NFYC: variants seen among roughly 807,000 people sequenced by gnomAD.
NFYC encodes nuclear transcription factor Y subunit gamma.
In NFYC, 25 loss-of-function variants were observed where a neutral mutation model predicts 53.1. That is an observed-to-expected ratio of 0.47 (90% CI 0.34 to 0.66). The LOEUF (loss-of-function observed/expected upper bound fraction) is 0.66. NFYC is among the 30% of genes least tolerant of loss of function. The probability of loss-of-function intolerance (pLI) is 0.01; values close to 1 mark genes in which losing one functional copy is unlikely to be tolerated. For missense variants in NFYC, 260 were observed against 422.7 expected, an observed-to-expected ratio of 0.62 and a Z score of 3.38; for synonymous variants, 145 against 152.6, an observed-to-expected ratio of 0.95 and a Z score of 0.37.
At chr1:40,758,335 C>G (rs1286943652) in intron 6 of NFYC, 41 bp downstream of exon 6, 1 of 1,558,202 alleles carries the variant, frequency 6.4e-7, no homozygotes, top group African/African-American at 1.4e-5. Flanking sequence ...CAAGACAGTG[C>G]CCCTTAGGTT....
intron 8 of NFYC, 81 bp from the exon 9 acceptor site, chr1:40,769,275 T>C: frequency 7.0e-7 from 1 of 1,419,850 alleles, no homozygotes; most frequent in Non-Finnish European, 1.0e-6. Context: ...CATTTGATCT[T>C]TATGACCCTC....
chr1:40,706,650 G>T (rs1643704640), intron 1 of NFYC, among the ~76,000 whole-genome samples: 1 of 151,810 alleles, frequency 6.6e-6, no homozygotes, highest in African/African-American at 2.4e-5. Flanking sequence ...ATTTGAATGT[G>T]TTGCTAAAAA....
At chr1:40,706,328 C>T (rs1643692071) in intron 1 of NFYC, among the ~76,000 whole-genome samples, 1 of 152,018 alleles carries the variant, frequency 6.6e-6, no homozygotes, top group Non-Finnish European at 1.5e-5. Context: ...ATATACCTAG[C>T]ACAGAACCTG....
intron 1 of NFYC, among the ~76,000 whole-genome samples, chr1:40,731,634 G>A (rs35215775): frequency 0.22 from 32,627 of 151,728 alleles, 4,130 homozygotes; most frequent in South Asian, 0.41. Context: ...ACAGGTGTAC[G>A]CCACCACACC....
chr1:40,759,590 T>TTATATATGTGTATA lies in NFYC; in HGVS notation c.561+1307_561+1308insATATATATATGTGT, dbSNP rs1350415581. 6.1e-4 allele frequency among the ~76,000 whole-genome samples: 92 copies of TTATATATGTGTATA among 151,738 alleles called. 1 individual carries two copies. Among genetic ancestry groups the TTATATATGTGTATA allele is most frequent in the African/African-American group, 2.1e-3 (88 of 41,362 alleles). ...GTGTGTGTGTGTATGTGTGTGTGTA[T>TTATATATGTGTATA]TATATATGTGTGTATATATATGTAT... On this transcript the variant is annotated intron_variant, in intron 6 of 9. Transcript: ENST00000447388.
chr1:40,747,244 GAAAA>G (rs11377810), intron 2 of NFYC, among the ~76,000 whole-genome samples: 1 of 133,976 alleles, frequency 7.5e-6, no homozygotes, highest in Non-Finnish European at 1.6e-5. Context: ...TTGTGCTGAC[GAAAA>G]AAAAAAAAAA....
At chr1:40,756,929 A>G (rs1329921368) in intron 5 of NFYC, among the ~76,000 whole-genome samples, 4 of 152,214 alleles carry the variant, frequency 2.6e-5, no homozygotes, top group Admixed American at 1.3e-4. Context: ...GCAAAAATGT[A>G]TACTGTGAGG....
chr1:40,729,301 G>A (rs1401317022), intron 1 of NFYC, among the ~76,000 whole-genome samples: 2 of 152,120 alleles, frequency 1.3e-5, no homozygotes, highest in African/African-American at 4.8e-5. Flanking sequence ...CTAGATCTTC[G>A]GGATAAAACT....
rs1478985284 is a variant in NFYC, at chr1:40,705,961, G to T, written c.-9+14094G>T. 3.3e-5 allele frequency among the ~76,000 whole-genome samples: 5 copies of T among 152,154 alleles called. No homozygotes were observed. The South Asian group carries it at 8.3e-4, about 25-fold the overall frequency. On this transcript the variant is annotated intron_variant, in intron 1 of 9. Coordinates refer to ENST00000447388, the MANE Select transcript of NFYC (RefSeq NM_014223.5). ...GGGTCTCACTATGTTACCCAGGCTGGTCTCAAATGCCTGAGCTCAAGTGAT... is the reference window on the plus strand; with the variant it reads ...GGGTCTCACTATGTTACCCAGGCTGTTCTCAAATGCCTGAGCTCAAGTGAT...
rs139444755 is a variant in NFYC, at chr1:40,753,204, C to T, written c.345C>T (p.Ile115=). ...ITKFDQFDFL[I]DIVPRDELKP... is the part of the protein sequence containing the mutation. Reference sequence around the variant, plus strand: ...AATTTGATCAGTTTGATTTTCTCATCGATATTGTTCCAAGAGATGAACTGA... The same window carrying T: ...AATTTGATCAGTTTGATTTTCTCATTGATATTGTTCCAAGAGATGAACTGA... The change falls in exon 5 of 10, where the codon ATC becomes ATT. Residue 115 remains isoleucine (I), a synonymous_variant. Transcript: ENST00000447388. 1.2e-6 allele frequency: 2 copies of T among 1,613,786 alleles called. No homozygotes were observed. The highest frequency in any genetic ancestry group is 1.3e-5 in the African/African-American group (1 of 74,898).
intron 1 of NFYC, among the ~76,000 whole-genome samples, chr1:40,724,136 G>C (rs1191674194): frequency 6.6e-6 from 1 of 152,184 alleles, no homozygotes; most frequent in Non-Finnish European, 1.5e-5. Context: ...TTGGGAGGCC[G>C]AGGTGGGCAG....
At chr1:40,749,115 A>G (rs547146360) in intron 3 of NFYC, among the ~76,000 whole-genome samples, 11 of 152,354 alleles carry the variant, frequency 7.2e-5, no homozygotes, top group African/African-American at 2.2e-4. Flanking sequence ...GATTGCCACA[A>G]TAAAACTGAA....
At chr1:40,710,467 C>T (rs917419965) in intron 1 of NFYC, among the ~76,000 whole-genome samples, 1 of 152,208 alleles carries the variant, frequency 6.6e-6, no homozygotes. Flanking sequence ...GGTTGCTAAT[C>T]AGTAACCAGC....
intron 9 of NFYC, among the ~76,000 whole-genome samples, chr1:40,769,829 C>T (rs998924742): frequency 6.6e-6 from 1 of 152,166 alleles, no homozygotes; most frequent in African/African-American, 2.4e-5. Context: ...AACACGTGAC[C>T]TCTTGAGCTC....
chr1:40,705,662 T>C (rs1233899083), intron 1 of NFYC, among the ~76,000 whole-genome samples: 1 of 152,250 alleles, frequency 6.6e-6, no homozygotes, highest in Admixed American at 6.5e-5. Context: ...TAACAATTTA[T>C]AGGGTGATAT....
intron 2 of NFYC, among the ~76,000 whole-genome samples, chr1:40,743,060 G>A (rs1218612844): frequency 6.6e-6 from 1 of 152,142 alleles, no homozygotes; most frequent in Non-Finnish European, 1.5e-5. Context: ...TAAAACTTAC[G>A]AGAATATTCA....
intron 4 of NFYC, 121 bp from the exon 5 acceptor site, chr1:40,753,030 A>G (rs1646001047): frequency 1.5e-6 from 1 of 656,050 alleles, no homozygotes; most frequent in East Asian, 2.7e-5. Context: ...TTTCAGCTGT[A>G]GACTTGCCCG....
intron 1 of NFYC, among the ~76,000 whole-genome samples, chr1:40,703,984 C>T (rs1436224255): frequency 6.6e-6 from 1 of 152,182 alleles, no homozygotes; most frequent in African/African-American, 2.4e-5. Flanking sequence ...ATCATTCTCC[C>T]AACCAAGAGC....
At chr1:40,733,008 G>GT (rs1644842032) in intron 1 of NFYC, among the ~76,000 whole-genome samples, 1 of 53,344 alleles carries the variant, frequency 1.9e-5, no homozygotes, top group Non-Finnish European at 3.6e-5. Flanking sequence ...TCCAAGATTC[G>GT]CCCCCCCCCC....
Sources: gnomAD v4.1 joint callset for allele counts (sites outside exome capture counted in the v4.1 genomes callset) on GRCh38, gnomAD v4.1.1 for gene constraint, MANE v1.5 for transcripts, NCBI Gene and HGNC (gene_info 2026-07-23, HGNC 2026-07-21) for gene names.